The following PAM variants were observed in gnomAD, a reference collection of about 807,000 sequenced individuals.
PAM encodes peptidylglycine alpha-amidating monooxygenase.
A neutral mutation model predicts 122.1 loss-of-function variants in PAM; 72 were observed. The observed-to-expected ratio is 0.59, with a 90% CI of 0.49 to 0.72. PAM has a LOEUF of 0.72. Among genes scored for constraint, PAM ranks in the 30% least tolerant of loss-of-function variants. The pLI, the probability that PAM is intolerant of heterozygous loss-of-function variation, is 0.00. For synonymous variants in PAM, 389 were observed against 404.4 expected (o/e 0.96, Z 0.46); for missense variants, 1,106 against 1,183.7 (o/e 0.93, Z 0.96).
chr5:102,850,394 T>C (rs2150719801), intron 1 of PAM, among the ~76,000 whole-genome samples: 2 of 152,340 alleles, frequency 1.3e-5, no homozygotes, highest in South Asian at 4.1e-4. Flanking sequence ...GGAACATAAT[T>C]AAATTTGCTC....
intron 1 of PAM, among the ~76,000 whole-genome samples, chr5:102,759,711 T>C (rs1393873876): frequency 6.6e-6 from 1 of 152,176 alleles, no homozygotes; most frequent in Non-Finnish European, 1.5e-5. Context: ...AGGAGTTTAA[T>C]GTGGCTAAAG....
At chr5:102,774,969 A>G (rs258142) in intron 1 of PAM, among the ~76,000 whole-genome samples, 63,602 of 151,644 alleles carry the variant, frequency 0.42, 13,475 homozygotes, top group African/African-American at 0.46. Context: ...CTGTGAGGTC[A>G]GATAATAGTT....
chr5:102,941,914 G>C (rs868256804), intron 7 of PAM, among the ~76,000 whole-genome samples: 12 of 148,962 alleles, frequency 8.1e-5, no homozygotes, highest in Middle Eastern at 3.5e-3. Context: ...CTCTAATAGA[G>C]CCCAGAGTGA....
In PAM at chr5:103,029,198, A is replaced by G. The variant is rs1287415449; in HGVS notation, c.*133A>G. 1.6e-6 allele frequency: 1 copy of G among 620,972 alleles called. No individual in the cohort carries two copies. Among genetic ancestry groups the G allele is most frequent in the East Asian group, 3.3e-5 (1 of 29,950 alleles). 38.5% of individuals were successfully genotyped at this position (620,972 alleles called of 1,614,324 possible). ...GTGTGGGACTGTACACACTTTATTT[A>G]CTTCGTTTTGGTTAAGTTGGCTTCT... On this transcript the variant is annotated 3_prime_UTR_variant, in exon 26 of 26. Coordinates refer to ENST00000438793, the MANE Select transcript of PAM (RefSeq NM_001177306.2).
chr5:103,014,072 A>G (rs1461961118), intron 21 of PAM, among the ~76,000 whole-genome samples: 1 of 152,148 alleles, frequency 6.6e-6, no homozygotes, highest in Non-Finnish European at 1.5e-5. Context: ...CCTTTGAACT[A>G]ACTTCCTCAT....
chr5:102,928,565 C>A (rs893965837), intron 7 of PAM, among the ~76,000 whole-genome samples: 1 of 152,026 alleles, frequency 6.6e-6, no homozygotes, highest in African/African-American at 2.4e-5. Context: ...GCAAAAATTT[C>A]ACTCATGTAA....
intron 1 of PAM, among the ~76,000 whole-genome samples, chr5:102,803,304 T>C (rs972237446): frequency 2.0e-5 from 3 of 152,002 alleles, no homozygotes; most frequent in Non-Finnish European, 2.9e-5. Context: ...TTGAGTAGGA[T>C]AAGATGGTAG....
rs114120153 is a variant in PAM, at chr5:102,810,924, A to G, written c.-373-54899A>G. On this transcript the variant is annotated intron_variant, in intron 1 of 25. Coordinates refer to ENST00000438793, the MANE Select transcript of PAM (RefSeq NM_001177306.2). Reference sequence around the variant, plus strand: ...GGACTTGGAAATAAACATTTTGTCCAGTGGTAGGAGAAGCTTGGGTTGTGA... The same window carrying G: ...GGACTTGGAAATAAACATTTTGTCCGGTGGTAGGAGAAGCTTGGGTTGTGA... Among the ~76,000 whole-genome samples, 830 of 152,332 alleles carry G rather than the reference A, an allele frequency of 5.4e-3. 3 individuals are homozygous for G. Among genetic ancestry groups the G allele is most frequent in the African/African-American group, 0.019 (775 of 41,572 alleles).
At chr5:102,891,054 AAT>A (rs1465706228) in intron 3 of PAM, among the ~76,000 whole-genome samples, 1 of 151,888 alleles carries the variant, frequency 6.6e-6, no homozygotes, top group African/African-American at 2.4e-5. Flanking sequence ...GCATAAATAA[AAT>A]GCTTAAAGGA....
intron 1 of PAM, among the ~76,000 whole-genome samples, chr5:102,764,577 T>TA (rs1208764068): frequency 2.0e-5 from 3 of 152,124 alleles, no homozygotes; most frequent in African/African-American, 7.2e-5. Context: ...TGTCCAGAAA[T>TA]ACGGGGCGTG....
intron 1 of PAM, among the ~76,000 whole-genome samples, chr5:102,839,041 C>G (rs563167909): frequency 2.6e-5 from 4 of 152,228 alleles, no homozygotes; most frequent in African/African-American, 4.8e-5. Context: ...ATCATACACA[C>G]AGATGCGTAT....
At chr5:102,824,031 A>G (rs1438265506) in intron 1 of PAM, among the ~76,000 whole-genome samples, 1 of 152,160 alleles carries the variant, frequency 6.6e-6, no homozygotes, top group East Asian at 1.9e-4. Flanking sequence ...GAGCACCAGA[A>G]ATGGAAACAT....
At chr5:103,003,598 T>TA (rs1259819959) in intron 17 of PAM, among the ~76,000 whole-genome samples, 1 of 152,196 alleles carries the variant, frequency 6.6e-6, no homozygotes, top group Non-Finnish European at 1.5e-5. Context: ...ATTTGTCCTT[T>TA]AAAAAATTAG....
intron 23 of PAM, among the ~76,000 whole-genome samples, chr5:103,023,829 T>C (rs1261553091): frequency 1.3e-5 from 2 of 152,118 alleles, no homozygotes; most frequent in African/African-American, 4.8e-5. Context: ...AAGTACTCAA[T>C]AGATATCACT....
intron 1 of PAM, among the ~76,000 whole-genome samples, chr5:102,798,574 G>A (rs1439527581): frequency 1.3e-5 from 2 of 152,080 alleles, no homozygotes; most frequent in African/African-American, 2.4e-5. Context: ...ATCATCTTTC[G>A]ATAATGCTTT....
intron 1 of PAM, among the ~76,000 whole-genome samples, chr5:102,812,516 CTT>C (rs1375317672): frequency 6.6e-6 from 1 of 151,950 alleles, no homozygotes; most frequent in Non-Finnish European, 1.5e-5. Context: ...TACACATATT[CTT>C]TTTTTATTTT....
intron 21 of PAM, among the ~76,000 whole-genome samples, 200 bp from the exon 22 acceptor site, chr5:103,017,134 C>G (rs1186715106): frequency 6.6e-6 from 1 of 152,106 alleles, no homozygotes; most frequent in Non-Finnish European, 1.5e-5. Flanking sequence ...TAGAATTATG[C>G]CTGGAAGAGT....
At chr5:102,839,159 A>G (rs1032755398) in intron 1 of PAM, among the ~76,000 whole-genome samples, 1 of 152,140 alleles carries the variant, frequency 6.6e-6, no homozygotes, top group Non-Finnish European at 1.5e-5. Flanking sequence ...TCTATGTAAA[A>G]TTTCATTTAC....
intron 1 of PAM, among the ~76,000 whole-genome samples, chr5:102,757,247 A>T (rs1208026863): frequency 1.3e-5 from 2 of 152,056 alleles, no homozygotes; most frequent in African/African-American, 2.4e-5. Flanking sequence ...GAATCGCTTG[A>T]ACCTGGGAGG....
Sources: allele counts gnomAD v4.1 joint callset (sites outside exome capture counted in the v4.1 genomes callset), GRCh38; gene constraint gnomAD v4.1.1; transcripts MANE v1.5; gene names NCBI Gene and HGNC (gene_info 2026-07-23, HGNC 2026-07-21).